Variants in ZNF385D observed in about 807,000 individuals in gnomAD.
ZNF385D encodes zinc finger protein 385D.
ZNF385D carries 15 observed loss-of-function variants against 35.8 expected under a neutral mutation model. The observed-to-expected ratio is 0.42, with a 90% CI of 0.28 to 0.64. The LOEUF is 0.64. Ranked by LOEUF, ZNF385D falls within the 30% of genes least tolerant of loss-of-function variation. The pLI is 0.23. For synonymous variants in ZNF385D, 212 were observed against 186.8 expected (o/e 1.13, Z -1.10); for missense variants, 474 against 494.6 (o/e 0.96, Z 0.39).
At chr3:21,545,757 C>T (rs938750860) in intron 3 of ZNF385D, among the ~76,000 whole-genome samples, 3 of 152,082 alleles carry the variant, frequency 2.0e-5, no homozygotes, top group Non-Finnish European at 2.9e-5. Context: ...GGCCTGAGAC[C>T]CTCCTCTACA....
intron 3 of ZNF385D, among the ~76,000 whole-genome samples, chr3:22,037,042 C>A (rs1204061162): frequency 2.0e-5 from 3 of 151,962 alleles, no homozygotes; most frequent in Admixed American, 1.3e-4. Flanking sequence ...AACATGAAGT[C>A]ATCATTTTTT....
intron 2 of ZNF385D, among the ~76,000 whole-genome samples, chr3:22,241,882 A>G (rs2125314843): frequency 6.6e-6 from 1 of 150,936 alleles, no homozygotes; most frequent in Admixed American, 6.6e-5. Context: ...TATAGTACTT[A>G]TTTTCACATT....
intron 3 of ZNF385D, among the ~76,000 whole-genome samples, chr3:21,856,238 T>C (rs2901430): frequency 0.038 from 5,856 of 152,130 alleles, 395 homozygotes; most frequent in African/African-American, 0.13. Context: ...CAGACTTCTT[T>C]GATGGATCTA....
At chr3:21,642,324 C>T (rs977002243) in intron 2 of ZNF385D, among the ~76,000 whole-genome samples, 2 of 152,026 alleles carry the variant, frequency 1.3e-5, no homozygotes, top group Admixed American at 1.3e-4. Flanking sequence ...CCTATTAAAC[C>T]TTCCCTCTTA....
chr3:21,745,480 C>G (rs1055327507), intron 1 of ZNF385D, among the ~76,000 whole-genome samples: 1 of 152,114 alleles, frequency 6.6e-6, no homozygotes, highest in Admixed American at 6.6e-5. Context: ...TTTAACGCTG[C>G]GACAGAGCAA....
intron 2 of ZNF385D, among the ~76,000 whole-genome samples, chr3:22,364,369 T>C (rs1696555764): frequency 6.6e-6 from 1 of 152,000 alleles, no homozygotes; most frequent in African/African-American, 2.4e-5. Context: ...AGATTAAGGA[T>C]TAATATCTAG....
At chr3:22,121,472 T>G (rs1182918292) in intron 3 of ZNF385D, among the ~76,000 whole-genome samples, 1 of 152,152 alleles carries the variant, frequency 6.6e-6, no homozygotes, top group East Asian at 1.9e-4. Flanking sequence ...AGGTATTGAT[T>G]AAAGAACCTT....
chr3:22,048,544 C>A (rs757622985), intron 3 of ZNF385D, among the ~76,000 whole-genome samples: 6 of 152,148 alleles, frequency 3.9e-5, no homozygotes, highest in African/African-American at 1.4e-4. Flanking sequence ...TGTTGAAAAT[C>A]AATTGACAAC....
At position 21,664,963 on chromosome 3, in the gene ZNF385D, A is replaced by T; in HGVS notation, c.88T>A (p.Ser30Thr). The T allele has an allele frequency of 1.2e-6, 2 of 1,613,674 alleles. No homozygotes were observed. Among genetic ancestry groups the T allele is most frequent in the Non-Finnish European group, 1.7e-6 (2 of 1,179,722 alleles). ...GGAAGAAATGGTTTAATATCCAGCG[A>T]TGGTTGCAAAGGAGGGGCTGGTGGA... ...VRPPAPPLQP[S>T]LDIKPFLPFP... The change falls in exon 2 of 8, where the codon TCG (serine) becomes ACG (threonine). Residue 30 changes from serine (S) to threonine (T), a missense_variant. Transcript: ENST00000281523.
intron 3 of ZNF385D, among the ~76,000 whole-genome samples, chr3:22,121,756 T>C (rs1703101192): frequency 6.6e-6 from 1 of 152,090 alleles, no homozygotes; most frequent in Non-Finnish European, 1.5e-5. Context: ...AAAAGTTTTC[T>C]TTCCCTTTCT....
intron 3 of ZNF385D, among the ~76,000 whole-genome samples, chr3:22,024,425 TGGA>T (rs568217070): frequency 6.6e-4 from 100 of 152,226 alleles, no homozygotes; most frequent in South Asian, 3.7e-3. Context: ...ATATTAAGGA[TGGA>T]GTTATTTCCT....
Position 22,362,609 on chromosome 3 carries a change from C to T in ZNF385D, c.106+9841G>A, listed in dbSNP as rs1314553301. On this transcript the variant is annotated intron_variant, in intron 2 of 5. Transcript: ENST00000494108. The stretch of plus-strand genomic sequence containing the variant: ...GAACATAGGTTTGAGTACTTCTTAT[C>T]GTTCCGACTCTTAAGGAAATTTATC... Among the ~76,000 whole-genome samples the T allele has an allele frequency of 2.6e-5, 4 of 152,054 alleles. No individual in the cohort carries two copies. The East Asian group carries it at 5.8e-4, about 22-fold the overall frequency.
chr3:22,061,757 T>C (rs1186629328), intron 3 of ZNF385D, among the ~76,000 whole-genome samples: 1 of 152,198 alleles, frequency 6.6e-6, no homozygotes, highest in African/African-American at 2.4e-5. Flanking sequence ...CCTCTACCAC[T>C]GCCTCTGTAC....
chr3:22,159,016 G>A (rs891009387), intron 3 of ZNF385D, among the ~76,000 whole-genome samples: 2 of 151,932 alleles, frequency 1.3e-5, no homozygotes, highest in African/African-American at 2.4e-5. Context: ...TAAGATTATA[G>A]ATAGGAAACA....
chr3:21,665,084 C>T, intron 1 of ZNF385D, 56 bp from the exon 2 acceptor site: 1 of 1,508,466 alleles, frequency 6.6e-7, no homozygotes, highest in South Asian at 1.3e-5. Context: ...GAAAAAAACA[C>T]CAAAGTTGCT....
chr3:22,126,617 G>A (rs1024304213), intron 3 of ZNF385D, among the ~76,000 whole-genome samples: 3 of 152,040 alleles, frequency 2.0e-5, no homozygotes, highest in Admixed American at 1.3e-4. Context: ...CCATCCTTGA[G>A]AATGATCCGT....
At chr3:21,791,748 G>A (rs1466795025) in intron 3 of ZNF385D, among the ~76,000 whole-genome samples, 1 of 151,984 alleles carries the variant, frequency 6.6e-6, no homozygotes, top group Admixed American at 6.6e-5. Flanking sequence ...TTTTTTGGTT[G>A]TTGTTGAGAT....
intron 3 of ZNF385D, among the ~76,000 whole-genome samples, chr3:22,095,953 C>T (rs1303719031): frequency 6.6e-6 from 1 of 151,696 alleles, no homozygotes; most frequent in Non-Finnish European, 1.5e-5. Context: ...TTGAGAGATA[C>T]ATTTTTTAAA....
chr3:22,079,551 A>G (rs1339767267), intron 3 of ZNF385D, among the ~76,000 whole-genome samples: 2 of 152,012 alleles, frequency 1.3e-5, no homozygotes. Context: ...AAAACAAAAA[A>G]GTTCCCTCAC....
Sources: allele counts gnomAD v4.1 joint callset (sites outside exome capture counted in the v4.1 genomes callset), GRCh38; gene constraint gnomAD v4.1.1; transcripts MANE v1.5; gene names NCBI Gene and HGNC (gene_info 2026-07-23, HGNC 2026-07-21).